HCN1: variants seen among roughly 807,000 people sequenced by gnomAD.
HCN1 encodes potassium/sodium hyperpolarization-activated cyclic nucleotide-gated channel 1.
A neutral mutation model predicts 78.9 loss-of-function variants in HCN1; 13 were observed. The ratio of observed to expected loss-of-function variants is 0.16; its 90% CI spans 0.11 to 0.26. The LOEUF is 0.26. Ranked by LOEUF, HCN1 falls within the 10% of genes least tolerant of loss-of-function variation. HCN1 has a pLI of 1.00. For synonymous variants in HCN1, 552 were observed against 455.5 expected (o/e 1.21, Z -2.70); for missense variants, 810 against 1,154.3 (o/e 0.70, Z 4.32).
chr5:45,371,213 G>A (rs1171610360), intron 4 of HCN1, among the ~76,000 whole-genome samples: 1 of 151,820 alleles, frequency 6.6e-6, no homozygotes, highest in African/African-American at 2.4e-5. Flanking sequence ...ATCACAACTA[G>A]AGGAATTAGA....
intron 1 of HCN1, among the ~76,000 whole-genome samples, chr5:45,652,698 TA>T (rs1396794915): frequency 6.6e-6 from 1 of 152,158 alleles, no homozygotes; most frequent in East Asian, 1.9e-4. Context: ...AAATCTAGAC[TA>T]ATTAATCTTC....
intron 5 of HCN1, among the ~76,000 whole-genome samples, chr5:45,304,656 C>A (rs1334839697): frequency 6.6e-6 from 1 of 152,084 alleles, no homozygotes; most frequent in Non-Finnish European, 1.5e-5. Flanking sequence ...TCTTGGACAA[C>A]ACAGTGAGAC....
intron 1 of HCN1, among the ~76,000 whole-genome samples, chr5:45,690,595 C>T (rs1339310852): frequency 6.6e-6 from 1 of 151,776 alleles, no homozygotes; most frequent in Non-Finnish European, 1.5e-5. Context: ...TCCTGTAAAA[C>T]TAATGGTAAG....
intron 2 of HCN1, chr5:45,642,518 G>A (rs1745475677): frequency 6.6e-6 from 1 of 152,002 alleles, no homozygotes; most frequent in Non-Finnish European, 1.5e-5. Context: ...GCTTTCCTCA[G>A]GAATGATTCA....
At chr5:45,536,660 CA>C (rs1463212745) in intron 2 of HCN1, among the ~76,000 whole-genome samples, 1 of 152,068 alleles carries the variant, frequency 6.6e-6, no homozygotes, top group Non-Finnish European at 1.5e-5. Flanking sequence ...TTAATTATGT[CA>C]TTGTCACATT....
intron 6 of HCN1, among the ~76,000 whole-genome samples, chr5:45,298,535 T>A (rs555055490): frequency 2.0e-4 from 31 of 152,056 alleles, no homozygotes; most frequent in Admixed American, 8.5e-4. Flanking sequence ...GAGATCCCAA[T>A]AGCCAAAGAT....
At chr5:45,583,904 T>A (rs1035729184) in intron 2 of HCN1, among the ~76,000 whole-genome samples, 1 of 152,254 alleles carries the variant, frequency 6.6e-6, no homozygotes, top group Non-Finnish European at 1.5e-5. Context: ...CAGTTTGTTA[T>A]AATTTCTGTT....
chr5:45,408,105 T>G (rs1259507005), intron 3 of HCN1, among the ~76,000 whole-genome samples: 2 of 152,066 alleles, frequency 1.3e-5, no homozygotes, highest in African/African-American at 4.8e-5. Context: ...ACAAAAAAAG[T>G]CAAAAACATA....
chr5:45,281,781 A>G (rs1311274907), intron 6 of HCN1, among the ~76,000 whole-genome samples: 1 of 151,098 alleles, frequency 6.6e-6, no homozygotes, highest in Non-Finnish European at 1.5e-5. Flanking sequence ...TTTAGTAGAG[A>G]TGGGGTTTCA....
chr5:45,321,821 A>G (rs1239571627), intron 5 of HCN1, among the ~76,000 whole-genome samples: 2 of 151,848 alleles, frequency 1.3e-5, no homozygotes, highest in African/African-American at 4.8e-5. Context: ...ATATGATTCA[A>G]TTTTTGCTGT....
At chr5:45,611,863 T>C (rs139317166) in intron 2 of HCN1, among the ~76,000 whole-genome samples, 1 of 152,044 alleles carries the variant, frequency 6.6e-6, no homozygotes, top group African/African-American at 2.4e-5. Flanking sequence ...TGGAGACAAA[T>C]CTTAATATAG....
At chr5:45,514,342 C>A (rs1319255985) in intron 2 of HCN1, among the ~76,000 whole-genome samples, 1 of 152,050 alleles carries the variant, frequency 6.6e-6, no homozygotes, top group Non-Finnish European at 1.5e-5. Flanking sequence ...TTATGTGAAT[C>A]ATGAAAATAA....
At position 45,262,149 on chromosome 5, in the gene HCN1, G is replaced by A. The variant is rs375360013; in HGVS notation, c.2445C>T (p.Ile815=). Residue 815 remains isoleucine, a synonymous_variant, in exon 8 of 8, where the codon ATC becomes ATT. Coordinates refer to ENST00000303230, the MANE Select transcript of HCN1 (RefSeq NM_021072.4). ...CGGGGACCGCCGTCACGGGTTGAGG[G>A]ATGGAGGCCAGGGACTCGCCCACAG... ...HPTVGESLAS[I]PQPVTAVPGT... is the part of the protein sequence containing the mutation. 1 of 1,613,770 alleles carries A rather than the reference G, an allele frequency of 6.2e-7. No individual in the cohort carries two copies. Among genetic ancestry groups the A allele is most frequent in the Non-Finnish European group, 8.5e-7 (1 of 1,179,884 alleles).
At chr5:45,608,093 A>G (rs1744758835) in intron 2 of HCN1, among the ~76,000 whole-genome samples, 2 of 151,982 alleles carry the variant, frequency 1.3e-5, no homozygotes, top group Non-Finnish European at 2.9e-5. Context: ...AATATTTAGA[A>G]GTGAAAGTTA....
At chr5:45,433,362 A>G (rs557544715) in intron 3 of HCN1, among the ~76,000 whole-genome samples, 10 of 152,078 alleles carry the variant, frequency 6.6e-5, no homozygotes, top group African/African-American at 9.6e-5. Flanking sequence ...ATTTTGATTT[A>G]AAGTCTGTTT....
chr5:45,335,293 C>G (rs536748265), intron 5 of HCN1, among the ~76,000 whole-genome samples: 1 of 152,052 alleles, frequency 6.6e-6, no homozygotes, highest in Non-Finnish European at 1.5e-5. Flanking sequence ...TTCCAACAGG[C>G]ACTCATAAAC....
chr5:45,427,256 T>G (rs1740370393), intron 3 of HCN1, among the ~76,000 whole-genome samples: 1 of 152,010 alleles, frequency 6.6e-6, no homozygotes, highest in African/African-American at 2.4e-5. Flanking sequence ...CATCACAATT[T>G]TCTACCTTTA....
intron 2 of HCN1, among the ~76,000 whole-genome samples, chr5:45,592,892 T>C (rs1579988578): frequency 6.6e-6 from 1 of 152,214 alleles, no homozygotes; most frequent in East Asian, 1.9e-4. Flanking sequence ...TAACTTCACT[T>C]AGGAAATGTG....
intron 2 of HCN1, among the ~76,000 whole-genome samples, chr5:45,471,726 C>G (rs1288330294): frequency 6.6e-6 from 1 of 151,860 alleles, no homozygotes; most frequent in African/African-American, 2.4e-5. Flanking sequence ...ATTTATATAA[C>G]TCAAATCCAT....
Sources: allele counts gnomAD v4.1 joint callset (sites outside exome capture counted in the v4.1 genomes callset), GRCh38; gene constraint gnomAD v4.1.1; transcripts MANE v1.5; gene names NCBI Gene and HGNC (gene_info 2026-07-23, HGNC 2026-07-21).